Variants in AFF2 observed in about 807,000 individuals in gnomAD.
AFF2 encodes ALF transcription elongation factor 2, also known as AF4/FMR2 family member 2.
In AFF2, 14 loss-of-function variants were observed where a neutral mutation model predicts 76.9. The ratio of observed to expected loss-of-function variants is 0.18; its 90% CI spans 0.12 to 0.28. The LOEUF is 0.28. Ranked by LOEUF, AFF2 falls within the 10% of genes least tolerant of loss-of-function variation. The probability of loss-of-function intolerance (pLI) is 1.00; values close to 1 mark genes in which losing one functional copy is unlikely to be tolerated. For missense variants in AFF2, 868 were observed against 1,001.1 expected, an observed-to-expected ratio of 0.87 and a Z score of 1.79; for synonymous variants, 398 against 366.7, an observed-to-expected ratio of 1.09 and a Z score of -0.98.
At chrX:148,705,719 AG>A (rs1306791376) in intron 3 of AFF2, among the ~76,000 whole-genome samples, 1 of 112,273 alleles carries the variant, frequency 8.9e-6, no homozygotes, top group African/African-American at 3.2e-5. Context: ...AACTTCATCA[AG>A]GCCAGTATTG....
chrX:148,785,334 T>C (rs1331395265), intron 3 of AFF2, among the ~76,000 whole-genome samples: 1 of 112,058 alleles, frequency 8.9e-6, no homozygotes, highest in Non-Finnish European at 1.9e-5. Flanking sequence ...GGGTAAGAGA[T>C]GCAGCCTGGG....
At chrX:148,916,248 C>T (rs782580008) in intron 9 of AFF2, among the ~76,000 whole-genome samples, 2 of 85,762 alleles carry the variant, frequency 2.3e-5, no homozygotes, top group East Asian at 3.4e-4. Flanking sequence ...CTTGCTTTGT[C>T]GCCCAGGTTG....
At chrX:148,554,788 A>G (rs2053033320) in intron 1 of AFF2, among the ~76,000 whole-genome samples, 1 of 112,198 alleles carries the variant, frequency 8.9e-6, no homozygotes, top group South Asian at 3.7e-4. Flanking sequence ...GACTCTCTGC[A>G]TATGTTGGCC....
At chrX:148,541,227 T>C (rs1557237474) in intron 1 of AFF2, among the ~76,000 whole-genome samples, 1 of 112,542 alleles carries the variant, frequency 8.9e-6, no homozygotes, top group Non-Finnish European at 1.9e-5. Flanking sequence ...TAGTTATCTA[T>C]TCAACATGGG....
intron 1 of AFF2, among the ~76,000 whole-genome samples, chrX:148,600,320 G>A (rs1388410484): frequency 9.0e-6 from 1 of 111,358 alleles, no homozygotes; most frequent in African/African-American, 3.3e-5. Flanking sequence ...CGAGACAGAT[G>A]GAAAAGGCTG....
At chrX:148,880,952 A>C (rs1200159008) in intron 7 of AFF2, among the ~76,000 whole-genome samples, 1 of 112,193 alleles carries the variant, frequency 8.9e-6, no homozygotes, top group Non-Finnish European at 1.9e-5. Context: ...TCAGAAAAAA[A>C]CATGTATGAC....
At chrX:148,542,795 T>C (rs1460039166) in intron 1 of AFF2, among the ~76,000 whole-genome samples, 1 of 112,230 alleles carries the variant, frequency 8.9e-6, no homozygotes, top group Non-Finnish European at 1.9e-5. Context: ...ACTCGGTATG[T>C]ATTGTTAAAC....
intron 3 of AFF2, among the ~76,000 whole-genome samples, chrX:148,717,692 G>A (rs1167870515): frequency 9.0e-6 from 1 of 111,586 alleles, no homozygotes; most frequent in East Asian, 2.8e-4. Flanking sequence ...GGTAGCGGGG[G>A]CAGCCATTCA....
rs145325051 is a variant in AFF2 at position 148,912,039 on chromosome X, T to C, written c.1397+7781T>C. Among the ~76,000 whole-genome samples the C allele has an allele frequency of 5.1e-4, 57 of 112,457 alleles. 1 individual carries two copies. In the East Asian group the frequency reaches 0.013, roughly 25 times the overall value. Reference sequence around the variant, plus strand: ...AAGAAAATATGGTGTATATACACCGTGGAATACTATGCAGCCATAAAAATG... The same window carrying C: ...AAGAAAATATGGTGTATATACACCGCGGAATACTATGCAGCCATAAAAATG... On this transcript the variant is annotated intron_variant, in intron 9 of 20. Transcript: ENST00000370460.
chrX:148,637,267 G>C (rs980573786), intron 1 of AFF2, among the ~76,000 whole-genome samples: 1 of 112,091 alleles, frequency 8.9e-6, no homozygotes, highest in Admixed American at 9.5e-5. Context: ...GCACCAATTA[G>C]ACAATACAAT....
intron 1 of AFF2, among the ~76,000 whole-genome samples, chrX:148,537,657 C>A (rs2052800898): frequency 9.1e-6 from 1 of 110,052 alleles, no homozygotes; most frequent in African/African-American, 3.3e-5. Context: ...TTTCCAGGAC[C>A]TTTTACCGAG....
chrX:148,858,495 A>G (rs1557276115), intron 7 of AFF2, among the ~76,000 whole-genome samples: 1 of 111,750 alleles, frequency 8.9e-6, no homozygotes, highest in African/African-American at 3.2e-5. Flanking sequence ...TGCATTTACA[A>G]TATGGTTTGA....
chrX:148,750,267 C>A (rs2055481841), intron 3 of AFF2, among the ~76,000 whole-genome samples: 1 of 111,036 alleles, frequency 9.0e-6, no homozygotes, highest in Non-Finnish European at 1.9e-5. Context: ...CTGCGCCCAG[C>A]CGCCTGCACC....
At chrX:148,874,187 GTC>G (rs1244763678) in intron 7 of AFF2, among the ~76,000 whole-genome samples, 5 of 111,491 alleles carry the variant, frequency 4.5e-5, no homozygotes, top group Non-Finnish European at 7.5e-5. Context: ...CTACTCTCAT[GTC>G]TCTCTGTTGT....
At chrX:148,885,836 A>T (rs2071152190) in intron 7 of AFF2, 53 bp from the exon 8 acceptor site, 1 of 988,290 alleles carries the variant, frequency 1.0e-6, no homozygotes, top group East Asian at 3.1e-5. Flanking sequence ...GTATCCGAGG[A>T]TGATTTAGAA....
intron 1 of AFF2, among the ~76,000 whole-genome samples, chrX:148,571,104 A>G (rs2053224234): frequency 9.0e-6 from 1 of 111,695 alleles, no homozygotes; most frequent in Non-Finnish European, 1.9e-5. Context: ...TTTTCATACT[A>G]AAGTTTGTTC....
intron 3 of AFF2, among the ~76,000 whole-genome samples, chrX:148,727,915 C>T (rs782017039): frequency 1.3e-4 from 15 of 111,725 alleles, no homozygotes; most frequent in African/African-American, 1.9e-4. Context: ...AAGAGAGTTC[C>T]GATAAAAAGA....
At chrX:148,834,793 G>A (rs1557273619) in intron 4 of AFF2, among the ~76,000 whole-genome samples, 1 of 111,677 alleles carries the variant, frequency 9.0e-6, no homozygotes, top group Non-Finnish European at 1.9e-5. Context: ...TGGAATATCT[G>A]CTGTGAGTGT....
In AFF2 at chrX:148,930,971, A is replaced by C. The variant is rs72611272; in HGVS notation, c.1398-22609A>C. On this transcript the variant is annotated intron_variant, in intron 9 of 20. Coordinates refer to ENST00000370460, the MANE Select transcript of AFF2 (RefSeq NM_002025.4). The stretch of plus-strand genomic sequence containing the variant: ...AGTGGACATTTAAGAATTCATATGC[A>C]GCCGGGCACGGTGGCTCACGCCTGT... Among the ~76,000 whole-genome samples the C allele has an allele frequency of 1.2e-3, 140 of 112,042 alleles. 2 individuals carry two copies. The East Asian group carries it at 0.024, about 19-fold the overall frequency.
Sources: gnomAD v4.1 joint callset for allele counts (sites outside exome capture counted in the v4.1 genomes callset) on GRCh38, gnomAD v4.1.1 for gene constraint, MANE v1.5 for transcripts, NCBI Gene and HGNC (gene_info 2026-07-23, HGNC 2026-07-21) for gene names.